Variants in ZNF334 observed in about 807,000 individuals in gnomAD.
ZNF334 encodes the protein zinc finger protein 334.
In ZNF334, 14 loss-of-function variants were observed where a neutral mutation model predicts 12.4. The ratio of observed to expected loss-of-function variants is 1.13; its 90% CI spans 0.74 to 1.76. The LOEUF (loss-of-function observed/expected upper bound fraction) is 1.76. ZNF334 is among the 40% of genes most tolerant of loss of function. The pLI is 0.00. For missense variants in ZNF334, 797 were observed against 804.5 expected (o/e 0.99, Z 0.11); for synonymous variants, 273 against 269.6 (o/e 1.01, Z -0.12).
chr20:46,488,438 TATATAA>T, the ZNF334 span, among the ~76,000 whole-genome samples: 3,069 of 142,726 alleles, frequency 0.022, 209 homozygotes, highest in African/African-American at 0.076. Flanking sequence ...TATATATATA[TATATAA>T]ATACCATAAT....
the ZNF334 span, among the ~76,000 whole-genome samples, chr20:46,481,880 T>A: frequency 9.0e-3 from 1,363 of 152,278 alleles, 31 homozygotes; most frequent in East Asian, 0.092. Flanking sequence ...CCCATCCTAG[T>A]CCCTGGAAGC....
intron 2 of ZNF334, among the ~76,000 whole-genome samples, chr20:46,508,367 T>G (rs1203939241): frequency 6.6e-6 from 1 of 152,176 alleles, no homozygotes; most frequent in Middle Eastern, 3.2e-3. Flanking sequence ...CTACATGTAA[T>G]GCAAAGAAGA....
intron 2 of ZNF334, chr20:46,509,511 C>T (rs1270604738): frequency 1.4e-6 from 1 of 695,992 alleles, no homozygotes; most frequent in Non-Finnish European, 2.6e-6. Flanking sequence ...GCACGTGGGT[C>T]AGCACATGGG....
chr20:46,481,384 G>A, the ZNF334 span: 1 of 152,250 alleles, frequency 6.6e-6, no homozygotes, highest in Non-Finnish European at 1.5e-5. Context: ...TCTGACCCAA[G>A]ATTTAGTATT....
chr20:46,464,186 G>A, the ZNF334 span: 1 of 524,870 alleles, frequency 1.9e-6, no homozygotes. Context: ...CCCCAAGATG[G>A]GCAGCTCCCC....
intron 3 of ZNF334, 124 bp from the exon 4 acceptor site, chr20:46,504,430 A>C: frequency 8.8e-7 from 1 of 1,139,078 alleles, no homozygotes; most frequent in Non-Finnish European, 1.3e-6. Flanking sequence ...CAGTAAAGCT[A>C]GAACATTTTG....
Position 46,502,584 on chromosome 20 carries a change from A to AG in ZNF334, c.754dup (p.Leu252ProfsTer17). On this transcript the variant is annotated frameshift_variant, in exon 5 of 5. Transcript: ENST00000692313. LOFTEE classifies it low-confidence loss of function (END_TRUNC). Reference sequence around the variant, plus strand: ...TGTATGAATTCTCTGATGTACAATGAGGGTAGATCTCTTAGAAAAGGTTTT... The same window carrying AG: ...TGTATGAATTCTCTGATGTACAATGAGGGGTAGATCTCTTAGAAAAGGTTTT... 6.2e-7 allele frequency: 1 copy of AG among 1,613,918 alleles called. No individual in the cohort carries two copies. The highest frequency in any genetic ancestry group is 8.5e-7 in the Non-Finnish European group (1 of 1,180,016).
chr20:46,480,832 G>A, the ZNF334 span, among the ~76,000 whole-genome samples: 1 of 152,126 alleles, frequency 6.6e-6, no homozygotes, highest in East Asian at 1.9e-4. Context: ...TTCACTGGGT[G>A]GCAGGGAAAG....
chr20:46,468,256 TC>T, the ZNF334 span, among the ~76,000 whole-genome samples: 1 of 151,348 alleles, frequency 6.6e-6, no homozygotes, highest in African/African-American at 2.4e-5. Flanking sequence ...CAGGGACACT[TC>T]CGCAGTTGTG....
chr20:46,486,110 T>C, the ZNF334 span, among the ~76,000 whole-genome samples: 2 of 152,198 alleles, frequency 1.3e-5, no homozygotes, highest in South Asian at 2.1e-4. Flanking sequence ...AATGTGGTAG[T>C]GGGAGGGTTG....
the ZNF334 span, among the ~76,000 whole-genome samples, chr20:46,466,214 C>T: frequency 1.3e-5 from 2 of 152,082 alleles, no homozygotes; most frequent in South Asian, 4.1e-4. Flanking sequence ...AAAGAAATGA[C>T]TGCCAAATTT....
At chr20:46,478,055 C>T in the ZNF334 span, among the ~76,000 whole-genome samples, 2 of 152,168 alleles carry the variant, frequency 1.3e-5, no homozygotes, top group Admixed American at 6.5e-5. Context: ...CTCTCTGGTA[C>T]ATTCTCTCCT....
At chr20:46,467,168 G>A in the ZNF334 span, among the ~76,000 whole-genome samples, 1 of 152,062 alleles carries the variant, frequency 6.6e-6, no homozygotes, top group South Asian at 2.1e-4. Flanking sequence ...TATAATGCAG[G>A]TGTCTTCCTG....
At chr20:46,498,937 G>A (rs2061069691), downstream of ZNF334, among the ~76,000 whole-genome samples, 1 of 152,088 alleles carries the variant, frequency 6.6e-6, no homozygotes, top group Admixed American at 6.6e-5. Context: ...CACTTTGGGA[G>A]GCCGAGGCGG....
At chr20:46,491,236 CCT>C in the ZNF334 span, 1 of 152,634 alleles carries the variant, frequency 6.6e-6, no homozygotes, top group Non-Finnish European at 1.5e-5. Context: ...TTCTCTCATC[CCT>C]CTCTATACAT....
chr20:46,509,440 CCCA>C (rs1444508469), intron 2 of ZNF334, among the ~76,000 whole-genome samples: 1 of 152,138 alleles, frequency 6.6e-6, no homozygotes. Context: ...TAGCATGCTG[CCCA>C]CCAACTCACT....
rs1244367917 is a variant in ZNF334 at position 46,502,767 on chromosome 20, T to C, written c.572A>G (p.Asn191Ser). Reference sequence around the variant, plus strand: ...GTGCAGAATAAGATTTTCGTTTTGATTGCTGGCTTTCCTCATTGGATTGTA... The same window carrying C: ...GTGCAGAATAAGATTTTCGTTTTGACTGCTGGCTTTCCTCATTGGATTGTA... ...YRYNPMRKAS[N>S]QNENLILHQN... is the part of the protein sequence containing the mutation. The change falls in exon 5 of 5, where the codon AAT becomes AGT. Residue 191 changes from asparagine to serine, a missense_variant. Transcript: ENST00000692313. 1.5e-5 allele frequency: 25 copies of C among 1,613,810 alleles called. No individual in the cohort carries two copies. Among genetic ancestry groups the C allele is most frequent in the Non-Finnish European group, 2.1e-5 (25 of 1,180,018 alleles).
chr20:46,496,312 T>C (rs1330764105), downstream of ZNF334, among the ~76,000 whole-genome samples: 2 of 152,222 alleles, frequency 1.3e-5, no homozygotes, highest in African/African-American at 4.8e-5. Flanking sequence ...CATGGCCTCT[T>C]CCACTCCCCA....
chr20:46,464,411 C>A, the ZNF334 span: 1 of 502,704 alleles, frequency 2.0e-6, no homozygotes, highest in Non-Finnish European at 4.0e-6. Flanking sequence ...GGCGTGGCTG[C>A]AGCTGGAGAG....
Sources: allele counts gnomAD v4.1 joint callset (sites outside exome capture counted in the v4.1 genomes callset), GRCh38; gene constraint gnomAD v4.1.1; transcripts MANE v1.5; gene names NCBI Gene and HGNC (gene_info 2026-07-23, HGNC 2026-07-21).